The following SPMAP2L variants were observed in gnomAD, a reference collection of about 807,000 sequenced individuals.
The protein encoded by SPMAP2L is sperm microtubule associated protein 2 like.
At chr4:56,608,645 T>G in the SPMAP2L span, among the ~76,000 whole-genome samples, 1 of 152,160 alleles carries the variant, frequency 6.6e-6, no homozygotes, top group Non-Finnish European at 1.5e-5. Context: ...AGGTATGGCT[T>G]CAGTGGGCCC....
At chr4:56,540,440 G>A in the SPMAP2L span, among the ~76,000 whole-genome samples, 1 of 152,174 alleles carries the variant, frequency 6.6e-6, no homozygotes, top group Admixed American at 6.5e-5. Flanking sequence ...CTACTCAGGA[G>A]GCTGAGGCAG....
At chr4:56,623,979 G>C in the SPMAP2L span, among the ~76,000 whole-genome samples, 49 of 152,196 alleles carry the variant, frequency 3.2e-4, no homozygotes, top group African/African-American at 9.9e-4. Flanking sequence ...GAACAGTTTG[G>C]AGGGCTCAGA....
chr4:56,596,389 G>A, the SPMAP2L span: 2 of 1,123,654 alleles, frequency 1.8e-6, no homozygotes, highest in Admixed American at 3.7e-5. Context: ...CACCCTTTCT[G>A]CTGGAGTGTT....
chr4:56,570,000 C>T, the SPMAP2L span, among the ~76,000 whole-genome samples: 2 of 152,162 alleles, frequency 1.3e-5, no homozygotes, highest in Non-Finnish European at 1.5e-5. Flanking sequence ...TGTATATATA[C>T]TGTGATCCTA....
chr4:56,594,111 T>C, the SPMAP2L span: 1 of 1,607,922 alleles, frequency 6.2e-7, no homozygotes, highest in Non-Finnish European at 8.5e-7. Context: ...GACGATTTGT[T>C]GCGGATCTTT....
chr4:56,539,692 C>T, the SPMAP2L span, among the ~76,000 whole-genome samples: 5 of 152,186 alleles, frequency 3.3e-5, no homozygotes, highest in South Asian at 2.1e-4. Flanking sequence ...AAAGTGCTGA[C>T]GTTACAGGTG....
At chr4:56,537,061 G>A in the SPMAP2L span, among the ~76,000 whole-genome samples, 95 of 152,212 alleles carry the variant, frequency 6.2e-4, no homozygotes, top group Non-Finnish European at 1.1e-3. Context: ...ACCACGCCCG[G>A]CCAATGTATT....
At chr4:56,581,025 T>C in the SPMAP2L span, among the ~76,000 whole-genome samples, 1 of 152,226 alleles carries the variant, frequency 6.6e-6, no homozygotes, top group African/African-American at 2.4e-5. Context: ...AGACAAATAC[T>C]GTATGATTTC....
At chr4:56,559,303 C>CAAA in the SPMAP2L span, 52 of 663,230 alleles carry the variant, frequency 7.8e-5, no homozygotes, top group African/African-American at 3.4e-4. Context: ...AAGACTGTCT[C>CAAA]AAAAAAAAAA....
chr4:56,540,917 C>T, the SPMAP2L span, among the ~76,000 whole-genome samples: 1 of 152,242 alleles, frequency 6.6e-6, no homozygotes, highest in Non-Finnish European at 1.5e-5. Context: ...TTGAACACTG[C>T]TGTGCCCAGG....
At chr4:56,549,129 C>T in the SPMAP2L span, among the ~76,000 whole-genome samples, 8 of 151,772 alleles carry the variant, frequency 5.3e-5, no homozygotes, top group African/African-American at 9.7e-5. Flanking sequence ...GCTGGGATTA[C>T]GGGCATGTGC....
the SPMAP2L span, among the ~76,000 whole-genome samples, chr4:56,621,090 A>G: frequency 2.0e-5 from 3 of 152,246 alleles, no homozygotes; most frequent in African/African-American, 7.2e-5. Flanking sequence ...AAACGCAACT[A>G]TAAATCAGAA....
chr4:56,594,242 C>T, the SPMAP2L span: 1 of 1,594,144 alleles, frequency 6.3e-7, no homozygotes, highest in South Asian at 1.1e-5. Context: ...CAACAGCTAC[C>T]ACTCTGAAAC....
the SPMAP2L span, chr4:56,584,578 A>T: frequency 6.5e-7 from 1 of 1,535,364 alleles, no homozygotes; most frequent in Non-Finnish European, 8.7e-7. Context: ...CAGTAGCCAA[A>T]GGCACAGACC....
chr4:56,603,929 A>G, the SPMAP2L span, among the ~76,000 whole-genome samples: 17 of 152,348 alleles, frequency 1.1e-4, no homozygotes, highest in African/African-American at 4.1e-4. Context: ...AGAGTCACTT[A>G]CCATGAATGA....
At chr4:56,588,816 G>A in the SPMAP2L span, among the ~76,000 whole-genome samples, 391 of 152,230 alleles carry the variant, frequency 2.6e-3, 1 homozygote, top group African/African-American at 8.8e-3. Flanking sequence ...TGAGAGATGA[G>A]GACCCAGTTT....
At chr4:56,595,169 A>T in the SPMAP2L span, 4 of 1,611,520 alleles carry the variant, frequency 2.5e-6, no homozygotes, top group Non-Finnish European at 3.4e-6. Context: ...TTAAATGCCA[A>T]CTACATGGCC....
the SPMAP2L span, chr4:56,559,475 A>C: frequency 6.5e-7 from 1 of 1,532,778 alleles, no homozygotes; most frequent in Non-Finnish European, 8.7e-7. Flanking sequence ...AGACTTGAGA[A>C]CCTTGCCCAG....
At chr4:56,551,541 G>T in the SPMAP2L span, among the ~76,000 whole-genome samples, 1 of 152,104 alleles carries the variant, frequency 6.6e-6, no homozygotes, top group Non-Finnish European at 1.5e-5. Flanking sequence ...ATTTCGATAT[G>T]GTTTTGTCAA....
Sources: allele counts gnomAD v4.1 joint callset (sites outside exome capture counted in the v4.1 genomes callset), GRCh38; gene constraint gnomAD v4.1.1; transcripts MANE v1.5; gene names NCBI Gene and HGNC (gene_info 2026-07-23, HGNC 2026-07-21).